The following ADGRL4 variants were observed in gnomAD, a reference collection of about 807,000 sequenced individuals.
ADGRL4 encodes adhesion G protein-coupled receptor L4.
Under a neutral mutation model 74.8 loss-of-function variants are expected in ADGRL4, and 90 were observed. The observed-to-expected ratio is 1.20, with a 90% CI of 1.02 to 1.43. ADGRL4 has a LOEUF of 1.43. Ranked by LOEUF, ADGRL4 falls within the 40% of genes most tolerant of loss-of-function variation. The pLI, the probability that ADGRL4 is intolerant of heterozygous loss-of-function variation, is 0.00. For missense variants in ADGRL4, 881 were observed against 814.3 expected, an observed-to-expected ratio of 1.08 and a Z score of -1.00; for synonymous variants, 311 against 279.2, an observed-to-expected ratio of 1.11 and a Z score of -1.14.
chr1:78,906,099 A>T (rs1350832198), intron 12 of ADGRL4, among the ~76,000 whole-genome samples: 1 of 152,046 alleles, frequency 6.6e-6, no homozygotes, highest in African/African-American at 2.4e-5. Context: ...CTAAAGATTC[A>T]TGGGTTTTAT....
chr1:78,970,633 G>T (rs1032786245), intron 2 of ADGRL4, among the ~76,000 whole-genome samples: 1 of 152,100 alleles, frequency 6.6e-6, no homozygotes, highest in African/African-American at 2.4e-5. Context: ...AGGAAACAAG[G>T]GATGCCTGCT....
intron 12 of ADGRL4, among the ~76,000 whole-genome samples, chr1:78,898,733 AT>A (rs1204449429): frequency 6.6e-6 from 1 of 152,090 alleles, no homozygotes; most frequent in Non-Finnish European, 1.5e-5. Context: ...ATTTAAAGTC[AT>A]TTTTTGTTTC....
At chr1:78,926,473 T>C (rs564903038) in intron 8 of ADGRL4, among the ~76,000 whole-genome samples, 3 of 152,138 alleles carry the variant, frequency 2.0e-5, no homozygotes, top group Admixed American at 6.6e-5. Flanking sequence ...AATTTTCTTT[T>C]AATCAACACC....
At chr1:78,980,922 G>T (rs1650385480) in intron 2 of ADGRL4, among the ~76,000 whole-genome samples, 1 of 151,944 alleles carries the variant, frequency 6.6e-6, no homozygotes. Context: ...GTCTGCTGTT[G>T]CACGATCACT....
At chr1:78,904,534 ATTTT>A (rs1406533628) in intron 12 of ADGRL4, among the ~76,000 whole-genome samples, 1 of 152,044 alleles carries the variant, frequency 6.6e-6, no homozygotes, top group Non-Finnish European at 1.5e-5. Context: ...AATGAAAGAC[ATTTT>A]CAAGATATAA....
chr1:79,005,948 A>G (rs1487223096), intron 1 of ADGRL4, among the ~76,000 whole-genome samples: 3 of 152,246 alleles, frequency 2.0e-5, no homozygotes, highest in East Asian at 3.8e-4. Context: ...ATGAAACAAA[A>G]CAAGGAACAA....
rs1420014887 is a variant in ADGRL4, at chr1:78,921,624, C to A, written c.1246G>T (p.Gly416Cys). Reference sequence around the variant, plus strand: ...GAAAATTATCTTACAATGGAAGGACCAGAGGACATCAAAATTGCAAAATGT... The same window carrying A: ...GAAAATTATCTTACAATGGAAGGACAAGAGGACATCAAAATTGCAAAATGT... ...LTHFAILMSS[G>C]PSIGIKDYNI... Residue 416 changes from glycine (G) to cysteine (C), a missense_variant, in exon 9 of 15, where the codon GGT becomes TGT. Transcript: ENST00000370742. 1 of 1,542,116 alleles carries A rather than the reference C, an allele frequency of 6.5e-7. No homozygotes were observed. Among genetic ancestry groups the A allele is most frequent in the Non-Finnish European group, 8.7e-7 (1 of 1,145,348 alleles).
chr1:78,925,663 CT>C (rs1480250915), intron 8 of ADGRL4, among the ~76,000 whole-genome samples: 2 of 151,978 alleles, frequency 1.3e-5, no homozygotes, highest in Non-Finnish European at 2.9e-5. Context: ...ACAGTCATTA[CT>C]TATTGAATGG....
chr1:78,916,854 A>T (rs1372255879), intron 12 of ADGRL4, among the ~76,000 whole-genome samples: 1 of 151,852 alleles, frequency 6.6e-6, no homozygotes, highest in Non-Finnish European at 1.5e-5. Context: ...GCCCTCCCAG[A>T]TTCACTGACA....
chr1:78,953,452 T>C (rs181791859), intron 2 of ADGRL4, among the ~76,000 whole-genome samples: 1 of 152,280 alleles, frequency 6.6e-6, no homozygotes, highest in African/African-American at 2.4e-5. Context: ...CGAAAAACTA[T>C]TAGAATAGTA....
chr1:78,939,771 G>A (rs1352554), intron 3 of ADGRL4: 151,661 of 152,704 alleles, frequency 0.99, 75,326 homozygotes, highest in Middle Eastern at 1. Context: ...ATCATCACAG[G>A]CAACTGACTC....
At chr1:78,988,617 C>T (rs889621602) in intron 2 of ADGRL4, among the ~76,000 whole-genome samples, 1 of 151,810 alleles carries the variant, frequency 6.6e-6, no homozygotes, top group African/African-American at 2.4e-5. Context: ...TGGAACAGAA[C>T]CCTGACAGAG....
chr1:78,981,184 A>T (rs542024112), intron 2 of ADGRL4, among the ~76,000 whole-genome samples: 9 of 152,070 alleles, frequency 5.9e-5, no homozygotes, highest in Non-Finnish European at 1.0e-4. Flanking sequence ...TCATATTGTT[A>T]TGCAAACTCC....
rs1648770679 is a variant in ADGRL4, at chr1:78,911,919, A to C, written c.1749+5715T>G. On this transcript the variant is annotated intron_variant, in intron 12 of 14. Coordinates refer to ENST00000370742, the MANE Select transcript of ADGRL4 (RefSeq NM_022159.4). ...GCTAGGCGTAGAAAAATAGCTTCAG[A>C]GAGATCACTTAATCTTGCTTCCTCA... 2.0e-5 allele frequency among the ~76,000 whole-genome samples: 3 copies of C among 151,894 alleles called. No individual in the cohort carries two copies. In the South Asian group the frequency reaches 6.2e-4, roughly 31 times the overall value.
chr1:78,919,299 G>A (rs1046621408), intron 10 of ADGRL4, among the ~76,000 whole-genome samples: 15 of 152,012 alleles, frequency 9.9e-5, no homozygotes, highest in African/African-American at 2.9e-4. Context: ...GGCTTCAGCC[G>A]CAGCTGTAGG....
chr1:78,982,911 G>T (rs1222669399), intron 2 of ADGRL4, among the ~76,000 whole-genome samples: 1 of 151,846 alleles, frequency 6.6e-6, no homozygotes, highest in Non-Finnish European at 1.5e-5. Flanking sequence ...GGACTTCAAA[G>T]TGCTACATAT....
chr1:79,006,673 TG>T lies in ADGRL4; in HGVS notation c.-20del. The T allele has an allele frequency of 6.7e-7, 1 of 1,487,752 alleles. No homozygotes were observed. The highest frequency in any genetic ancestry group is 1.5e-5 in the African/African-American group (1 of 68,100). 92.2% of individuals were successfully genotyped at this position (1,487,752 alleles called of 1,614,324 possible). A position where few individuals can be genotyped will look rare whatever the true frequency, so the allele number is the denominator to read the frequency against. ...GTTTCATTGGCGGTGGCCGCAGTGG[TG>T]GCGGTGGCGGAGAGCGCGGCGGAGT... On this transcript the variant is annotated 5_prime_UTR_variant, in exon 1 of 15. Coordinates refer to ENST00000370742, the MANE Select transcript of ADGRL4 (RefSeq NM_022159.4).
chr1:78,928,011 A>G (rs1649155303), intron 7 of ADGRL4, among the ~76,000 whole-genome samples: 8 of 147,598 alleles, frequency 5.4e-5, no homozygotes, highest in Admixed American at 5.3e-4. Context: ...CCAAAAGATG[A>G]TAACTATCCC....
chr1:78,936,719 A>G (rs892062304), intron 6 of ADGRL4, among the ~76,000 whole-genome samples: 1 of 152,222 alleles, frequency 6.6e-6, no homozygotes, highest in Non-Finnish European at 1.5e-5. Context: ...ATAAGCAACT[A>G]CAATGGCTTA....
Sources: allele counts gnomAD v4.1 joint callset (sites outside exome capture counted in the v4.1 genomes callset), GRCh38; gene constraint gnomAD v4.1.1; transcripts MANE v1.5; gene names NCBI Gene and HGNC (gene_info 2026-07-23, HGNC 2026-07-21).